Variants in GIPC1 observed in about 807,000 individuals in gnomAD.
GIPC1 encodes the protein GIPC PDZ domain containing family member 1.
Under a neutral mutation model 28.5 loss-of-function variants are expected in GIPC1, and 15 were observed. That is an observed-to-expected ratio of 0.53 (90% CI 0.35 to 0.81). GIPC1 has a LOEUF of 0.81. GIPC1 is among the 30% of genes least tolerant of loss of function. The probability of loss-of-function intolerance (pLI) is 0.01; values close to 1 mark genes in which losing one functional copy is unlikely to be tolerated. For missense variants in GIPC1, 439 were observed against 481.9 expected (o/e 0.91, Z 0.83); for synonymous variants, 224 against 206.1 (o/e 1.09, Z -0.74).
At position 14,483,789 on chromosome 19, in the gene GIPC1, A is replaced by ATAATAG. The variant is rs1555721479; in HGVS notation, c.-30-784_-30-783insCTATTA. Among the ~76,000 whole-genome samples, 25 of 143,198 alleles carry ATAATAG rather than the reference A, an allele frequency of 1.7e-4. No homozygotes were observed. The South Asian group carries it at 5.5e-3, about 31-fold the overall frequency. The allele number at this position is 143,198 out of a possible 152,430, so 93.9% of individuals were successfully genotyped here. A position where few individuals can be genotyped will look rare whatever the true frequency, so the allele number is the denominator to read the frequency against. On this transcript the variant is annotated intron_variant, in intron 3 of 8. Coordinates refer to ENST00000393033, the MANE Select transcript of GIPC1 (RefSeq NM_005716.4). ...AATAATAATAATAATAATAATAATA[A>ATAATAG]TAATAATAATACCAGCTAGGATTAT...
intron 3 of GIPC1, 188 bp from the exon 4 acceptor site, chr19:14,483,194 G>A (rs761427765): frequency 9.0e-6 from 5 of 556,746 alleles, no homozygotes; most frequent in South Asian, 2.3e-5. Context: ...GGTGGCTCAC[G>A]CCTGTAATCC....
At chr19:14,489,127 T>G (rs777009058) in intron 3 of GIPC1, among the ~76,000 whole-genome samples, 1 of 152,030 alleles carries the variant, frequency 6.6e-6, no homozygotes, top group Non-Finnish European at 1.5e-5. Flanking sequence ...CTCACTACGT[T>G]GCCCAGATTG....
Position 14,480,724 on chromosome 19 carries a change from C to G in GIPC1, c.343G>C (p.Gly115Arg). ...ATGAAGTCCTCCAGCCCGATCTGGC[C>G]CCCCAGGAGCTTGTCCATGTCCACT... ...HKVDMDKLLG[G>R]QIGLEDFIFA... Residue 115 changes from glycine to arginine, a missense_variant, in exon 5 of 9, where the codon GGC (glycine) becomes CGC (arginine). Transcript: ENST00000393033. 1.2e-6 allele frequency: 2 copies of G among 1,613,908 alleles called. No individual in the cohort carries two copies. The highest frequency in any genetic ancestry group is 2.2e-5 in the South Asian group (2 of 91,090).
At chr19:14,479,096 G>C (rs1348149906) in intron 7 of GIPC1, among the ~76,000 whole-genome samples, 1 of 152,166 alleles carries the variant, frequency 6.6e-6, no homozygotes, top group Non-Finnish European at 1.5e-5. Context: ...TATAATCCCA[G>C]CACTTTGGGA....
chr19:14,484,288 A>G (rs2071791961), intron 3 of GIPC1, among the ~76,000 whole-genome samples: 1 of 151,806 alleles, frequency 6.6e-6, no homozygotes, highest in African/African-American at 2.4e-5. Flanking sequence ...TGTCTGTGCC[A>G]CCACACCGGG....
intron 4 of GIPC1, chr19:14,481,605 C>T (rs1487098955): frequency 6.6e-6 from 1 of 151,204 alleles, no homozygotes; most frequent in African/African-American, 2.4e-5. Flanking sequence ...CCTGTAATCC[C>T]AGCTACTCGG....
chr19:14,493,186 G>A (rs948691397), intron 1 of GIPC1, among the ~76,000 whole-genome samples: 14 of 152,288 alleles, frequency 9.2e-5, no homozygotes, highest in Admixed American at 4.6e-4. Context: ...TCAGGCCCAT[G>A]AACTTAATTG....
In GIPC1 at chr19:14,480,495, C is replaced by G. The variant is rs750765700; in HGVS notation, c.475-10G>C. ...TGCCCTCCTTGATGCGCTGCGGGGG[C>G]GGGGAGTCATCAGCCCTTGGGGCTC... On this transcript the variant is annotated splice_polypyrimidine_tract_variant and intron_variant, in intron 5 of 8. Transcript: ENST00000393033. 1.2e-6 allele frequency: 2 copies of G among 1,607,692 alleles called. No homozygotes were observed. The highest frequency in any genetic ancestry group is 1.7e-6 in the Non-Finnish European group (2 of 1,175,618).
intron 3 of GIPC1, among the ~76,000 whole-genome samples, chr19:14,485,702 T>TATATATATAGAGAGAGAGAG (rs1300117748): frequency 4.9e-4 from 29 of 58,776 alleles, no homozygotes; most frequent in Non-Finnish European, 7.4e-4. Context: ...TATATATATA[T>TATATATATAGAGAGAGAGAG]AGAGAGAGAG....
intron 3 of GIPC1, among the ~76,000 whole-genome samples, chr19:14,485,692 TATATATATATAGAGAG>T (rs1231894366): frequency 8.7e-5 from 6 of 68,946 alleles, no homozygotes; most frequent in Non-Finnish European, 1.2e-4. Context: ...CAAATATATA[TATATATATATAGAGAG>T]AGAGAGAGAG....
intron 3 of GIPC1, among the ~76,000 whole-genome samples, chr19:14,486,359 A>AGTT (rs2071843813): frequency 3.3e-5 from 5 of 152,182 alleles, no homozygotes; most frequent in Non-Finnish European, 5.9e-5. Context: ...TGGACCAAAC[A>AGTT]GGTGGATGGC....
intron 1 of GIPC1, among the ~76,000 whole-genome samples, chr19:14,495,591 A>C (rs1479598929): frequency 6.6e-6 from 1 of 152,136 alleles, no homozygotes; most frequent in East Asian, 1.9e-4. Context: ...AAGCTCTCCA[A>C]TAAATGCTAG....
Position 14,480,337 on chromosome 19 carries a change from G to A in GIPC1, c.623C>T (p.Thr208Met), listed in dbSNP as rs757818963. 9 of 1,611,612 alleles carry A rather than the reference G, an allele frequency of 5.6e-6. No individual in the cohort carries two copies. Among genetic ancestry groups the A allele is most frequent in the South Asian group, 1.1e-5 (1 of 91,008 alleles). ...CTTGCGAGGCTCCGTGAGCTTCAGC[G>A]TGAAGGTACGGCCTCGGGGCAGCTC... Reference protein sequence around the residue: ...LKELPRGRTFTLKLTEPRKAF... With the variant: ...LKELPRGRTFMLKLTEPRKAF... The change falls in exon 6 of 9, where the codon ACG becomes ATG. Residue 208 changes from threonine to methionine, a missense_variant. Transcript: ENST00000393033.
chr19:14,482,742 C>T lies in GIPC1; in HGVS notation c.235G>A (p.Val79Ile), dbSNP rs369040173. The T allele has an allele frequency of 1.3e-5, 21 of 1,611,472 alleles. No homozygotes were observed. Among genetic ancestry groups the T allele is most frequent in the African/African-American group, 4.0e-5 (3 of 74,874 alleles). ...GCGATCTTGCCATACAGCTCCTTGA[C>T]GTTGGTGAAGCCCTCGATGCGGCCA... ...PTGRIEGFTN[V>I]KELYGKIAEA... is the part of the protein sequence containing the mutation. The change falls in exon 4 of 9, where the codon GTC becomes ATC. Residue 79 changes from valine (V) to isoleucine (I), a missense_variant. Coordinates refer to ENST00000393033, the MANE Select transcript of GIPC1 (RefSeq NM_005716.4).
rs374322460 is a variant in GIPC1 at position 14,480,624 on chromosome 19, G to A, written c.443C>T (p.Thr148Met). Residue 148 changes from threonine to methionine, a missense_variant, in exon 5 of 9, where the codon ACG becomes ATG. Physicochemically the swap from Thr to Met is moderately conservative, Grantham distance 81. Transcript: ENST00000393033. ...GAAGGCGTAGCCAGCCCCGTTGTCC[G>A]TGATGGTGAGCCCGAGTGCATCCTC... ...KSEDALGLTI[T>M]DNGAGYAFIK... The A allele has an allele frequency of 5.0e-6, 8 of 1,614,206 alleles. No homozygotes were observed. Among genetic ancestry groups the A allele is most frequent in the Non-Finnish European group, 6.8e-6 (8 of 1,180,026 alleles).
chr19:14,488,824 T>C (rs1052089544), intron 3 of GIPC1, among the ~76,000 whole-genome samples: 2 of 147,272 alleles, frequency 1.4e-5, no homozygotes, highest in South Asian at 2.2e-4. Context: ...GGGCATGCAA[T>C]TGGCATGTTT....
chr19:14,488,479 C>T (rs559009772), intron 3 of GIPC1, among the ~76,000 whole-genome samples: 10 of 151,622 alleles, frequency 6.6e-5, no homozygotes, highest in Non-Finnish European at 1.0e-4. Flanking sequence ...CCTAGCCAGG[C>T]GCGGTGGCTC....
Position 14,489,636 on chromosome 19 carries a change from G to A in GIPC1, c.-31+2020C>T, listed in dbSNP as rs185716525. On this transcript the variant is annotated intron_variant, in intron 3 of 8. Coordinates refer to ENST00000393033, the MANE Select transcript of GIPC1 (RefSeq NM_005716.4). ...GAGTATAAATAATGGCTGTTCAGCA[G>A]AGAAACCCATGTCCTCTCTCCATAG... is the stretch of plus-strand genomic sequence containing the variant. The A allele has an allele frequency of 8.9e-5, 95 of 1,070,510 alleles. 1 individual carries two copies. In the Middle Eastern group the frequency reaches 8.9e-4, roughly 10 times the overall value. The allele number at this position is 1,070,510 out of a possible 1,614,324, so 66.3% of individuals were successfully genotyped here.
intron 3 of GIPC1, among the ~76,000 whole-genome samples, chr19:14,485,872 G>A (rs543154192): frequency 5.3e-5 from 8 of 151,570 alleles, no homozygotes; most frequent in East Asian, 2.0e-4. Context: ...CAGGGTTCAC[G>A]CCATTCTCCT....
Sources: gnomAD v4.1 joint callset for allele counts (sites outside exome capture counted in the v4.1 genomes callset) on GRCh38, gnomAD v4.1.1 for gene constraint, MANE v1.5 for transcripts, NCBI Gene and HGNC (gene_info 2026-07-23, HGNC 2026-07-21) for gene names.